NOTCH2NLB: variants seen among roughly 807,000 people sequenced by gnomAD.
The protein encoded by NOTCH2NLB is notch homolog 2 N-terminal-like protein B.
NOTCH2NLB carries 1 observed loss-of-function variant against 14.8 expected under a neutral mutation model. The observed-to-expected ratio is 0.07, with a 90% CI of 0.02 to 0.32. The LOEUF is 0.32. NOTCH2NLB is among the 10% of genes least tolerant of loss of function. NOTCH2NLB has a pLI of 1.00. For synonymous variants in NOTCH2NLB, 6 were observed against 57.5 expected, an observed-to-expected ratio of 0.10 and a Z score of 4.05; for missense variants, 11 against 155.0, an observed-to-expected ratio of 0.07 and a Z score of 4.93.
intron 3 of NOTCH2NLB, among the ~76,000 whole-genome samples, chr1:148,615,212 G>T: frequency 8.2e-6 from 1 of 122,284 alleles, no homozygotes; most frequent in African/African-American, 2.8e-5. Context: ...ATAGCTCACT[G>T]CAGCCTCAAA....
the NOTCH2NLB span, among the ~76,000 whole-genome samples, chr1:148,691,915 G>C: frequency 1.2e-5 from 1 of 86,324 alleles, no homozygotes; most frequent in Admixed American, 1.2e-4. Context: ...CAGCATGAAT[G>C]TAAGCTTCCC....
intron 2 of NOTCH2NLB, among the ~76,000 whole-genome samples, chr1:148,637,640 A>T (rs1664238287): frequency 1.4e-5 from 2 of 145,888 alleles, no homozygotes; most frequent in Admixed American, 6.7e-5. Flanking sequence ...TTTGTTTCAT[A>T]GGTATACATG....
intron 1 of NOTCH2NLB, 50 bp downstream of exon 1, chr1:148,679,412 A>T: frequency 1.2e-6 from 1 of 852,204 alleles, no homozygotes; most frequent in Non-Finnish European, 1.5e-6. Context: ...GGGTCGCCCC[A>T]GGTGGCAGCC....
chr1:148,658,550 C>CTTGTTTTTT, intron 1 of NOTCH2NLB, among the ~76,000 whole-genome samples: 1 of 38,588 alleles, frequency 2.6e-5, no homozygotes, highest in South Asian at 1.3e-3. Context: ...CCCAATACCA[C>CTTGTTTTTT]TTTTTTTTTT....
intron 3 of NOTCH2NLB, among the ~76,000 whole-genome samples, chr1:148,609,167 A>G (rs1292485706): frequency 7.3e-6 from 1 of 137,570 alleles, no homozygotes; most frequent in Non-Finnish European, 1.6e-5. Flanking sequence ...ACATATGTAT[A>G]TATGTGCCAT....
At position 148,658,502 on chromosome 1, in the gene NOTCH2NLB, A is replaced by G. The variant is rs1241799427; in HGVS notation, c.4-18413T>C. ...TGCAGTTTAAAAAACAATGGACTAA[A>G]GCATGCAGTAAAGAATGTGGCTTTG... On this transcript the variant is annotated intron_variant, in intron 1 of 4. Transcript: ENST00000593495. 2.6e-3 allele frequency among the ~76,000 whole-genome samples: 273 copies of G among 106,162 alleles called. 5 individuals are homozygous for G. The highest frequency in any genetic ancestry group is 4.3e-3 in the Non-Finnish European group (225 of 52,582). 69.6% of individuals were successfully genotyped at this position (106,162 alleles called of 152,430 possible). A position where few individuals can be genotyped will look rare whatever the true frequency, so the allele number is the denominator to read the frequency against.
chr1:148,660,468 G>A (rs1161477802), intron 1 of NOTCH2NLB, among the ~76,000 whole-genome samples: 1 of 146,648 alleles, frequency 6.8e-6, no homozygotes, highest in Non-Finnish European at 1.5e-5. Context: ...TAATGATCCA[G>A]TTATATACCA....
chr1:148,638,797 G>A lies in NOTCH2NLB; in HGVS notation c.77+1219C>T, dbSNP rs1457183217. ...GAACAGATCTCACTGGAAAAAAGTT[G>A]TAATTACATTCCTGGTAAGAAATAA... On this transcript the variant is annotated intron_variant, in intron 2 of 4. Coordinates refer to ENST00000593495, the Ensembl canonical transcript of NOTCH2NLB. Among the ~76,000 whole-genome samples the A allele has an allele frequency of 1.3e-5, 2 of 148,270 alleles. 1 individual carries two copies. The highest frequency in any genetic ancestry group is 3.0e-5 in the Non-Finnish European group (2 of 67,056).
chr1:148,625,373 G>A (rs1311373313), intron 2 of NOTCH2NLB, among the ~76,000 whole-genome samples: 1 of 87,454 alleles, frequency 1.1e-5, no homozygotes, highest in African/African-American at 5.4e-5. Flanking sequence ...ACGAGGATTT[G>A]GCCATTCAAG....
intron 1 of NOTCH2NLB, among the ~76,000 whole-genome samples, chr1:148,673,599 T>G (rs1265847470): frequency 3.1e-5 from 4 of 130,878 alleles, no homozygotes; most frequent in African/African-American, 1.1e-4. Context: ...TACAACAAAG[T>G]CATACAACAC....
intron 1 of NOTCH2NLB, among the ~76,000 whole-genome samples, chr1:148,673,740 G>A (rs1664797588): frequency 6.6e-6 from 1 of 151,074 alleles, no homozygotes; most frequent in Admixed American, 6.6e-5. Context: ...ATTTCCAAGG[G>A]GGAAAAATGA....
Position 148,607,868 on chromosome 1 carries a change from A to C in NOTCH2NLB, c.338-123T>G. ...AGACCTCAACTCTTTGCATTTTACA[A>C]AAGGCTAAATCAGAGCCTCCTCAAG... On this transcript the variant is annotated intron_variant, in intron 3 of 4. Coordinates refer to ENST00000593495, the Ensembl canonical transcript of NOTCH2NLB. 10 of 621,300 alleles carry C rather than the reference A, an allele frequency of 1.6e-5. 1 individual carries two copies. Among genetic ancestry groups the C allele is most frequent in the Non-Finnish European group, 2.6e-5 (9 of 346,958 alleles). The allele number at this position is 621,300 out of a possible 1,614,324, so 38.5% of individuals were successfully genotyped here. A position where few individuals can be genotyped will look rare whatever the true frequency, so the allele number is the denominator to read the frequency against.
intron 2 of NOTCH2NLB, among the ~76,000 whole-genome samples, chr1:148,627,614 C>A (rs1412802576): frequency 1.3e-5 from 2 of 151,144 alleles, no homozygotes; most frequent in Non-Finnish European, 3.0e-5. Flanking sequence ...TCTGTACACG[C>A]TGTTCAGTCA....
rs1357322714 is a variant in NOTCH2NLB at position 148,622,393 on chromosome 1, C to T, written c.78-6443G>A. Among the ~76,000 whole-genome samples, 3 of 96,214 alleles carry T rather than the reference C, an allele frequency of 3.1e-5. 1 individual carries two copies. The highest frequency in any genetic ancestry group is 6.0e-5 in the Non-Finnish European group (3 of 50,142). 63.1% of individuals were successfully genotyped at this position (96,214 alleles called of 152,430 possible). On this transcript the variant is annotated intron_variant, in intron 2 of 4. Transcript: ENST00000593495. The stretch of plus-strand genomic sequence containing the variant: ...TCAAAAAAAAAAAAAAAATTCACAG[C>T]TAGTAGATGGAAGAGGCAGGATTCA...
intron 3 of NOTCH2NLB, among the ~76,000 whole-genome samples, chr1:148,612,123 TTATC>T (rs1214469618): frequency 1.3e-5 from 1 of 74,866 alleles, no homozygotes; most frequent in African/African-American, 4.0e-5. Flanking sequence ...ATGGAATGCC[TTATC>T]CACTGTCATG....
At chr1:148,670,547 T>C (rs1376411145) in intron 1 of NOTCH2NLB, among the ~76,000 whole-genome samples, 3 of 111,752 alleles carry the variant, frequency 2.7e-5, no homozygotes, top group Non-Finnish European at 3.8e-5. Context: ...AAAATATATA[T>C]ATATACATAT....
intron 2 of NOTCH2NLB, among the ~76,000 whole-genome samples, chr1:148,638,114 G>A (rs1454821139): frequency 3.4e-5 from 5 of 148,030 alleles, no homozygotes; most frequent in South Asian, 4.3e-4. Flanking sequence ...ACTCAGTAAT[G>A]GGATTGCTGG....
At chr1:148,604,891 AC>A (rs1663458670), downstream of NOTCH2NLB, among the ~76,000 whole-genome samples, 2 of 138,196 alleles carry the variant, frequency 1.4e-5, no homozygotes, top group South Asian at 4.7e-4. Flanking sequence ...AGATTATGGG[AC>A]CCTGAAAAGC....
At chr1:148,609,978 G>C (rs1370193531) in intron 3 of NOTCH2NLB, among the ~76,000 whole-genome samples, 1 of 141,894 alleles carries the variant, frequency 7.0e-6, no homozygotes, top group Admixed American at 6.9e-5. Flanking sequence ...TCAGAGTGAT[G>C]CCCACAACTG....
Sources: gnomAD v4.1 joint callset for allele counts (sites outside exome capture counted in the v4.1 genomes callset) on GRCh38, gnomAD v4.1.1 for gene constraint, MANE v1.5 for transcripts, NCBI Gene and HGNC (gene_info 2026-07-23, HGNC 2026-07-21) for gene names.